Variants in RGSL1 observed in about 807,000 individuals in gnomAD.
The protein encoded by RGSL1 is regulator of G protein signaling like 1.
A neutral mutation model predicts 124.7 loss-of-function variants in RGSL1; 97 were observed. The observed-to-expected ratio is 0.78, with a 90% CI of 0.66 to 0.92. RGSL1 has a LOEUF of 0.92. RGSL1 is among the 40% of genes least tolerant of loss of function. The probability of loss-of-function intolerance (pLI) is 0.00; values close to 1 mark genes in which losing one functional copy is unlikely to be tolerated. For missense variants in RGSL1, 1,233 were observed against 1,288.4 expected (o/e 0.96, Z 0.66); for synonymous variants, 424 against 438.1 (o/e 0.97, Z 0.40).
intron 4 of RGSL1, among the ~76,000 whole-genome samples, chr1:182,472,168 G>A (rs928027679): frequency 2.0e-5 from 3 of 152,016 alleles, no homozygotes; most frequent in Non-Finnish European, 4.4e-5. Context: ...TCTAACACCA[G>A]CAACAAAAAG....
At chr1:182,533,153 A>G (rs1226460553) in intron 14 of RGSL1, among the ~76,000 whole-genome samples, 1 of 152,240 alleles carries the variant, frequency 6.6e-6, no homozygotes, top group Non-Finnish European at 1.5e-5. Context: ...TTGCAGAAAT[A>G]TATAGTATAG....
intron 4 of RGSL1, among the ~76,000 whole-genome samples, chr1:182,469,291 T>C (rs931623598): frequency 3.3e-5 from 5 of 152,176 alleles, no homozygotes; most frequent in East Asian, 1.9e-4. Flanking sequence ...CCAGAATATA[T>C]GGAGAACACC....
intron 4 of RGSL1, among the ~76,000 whole-genome samples, chr1:182,461,102 C>G (rs1245664508): frequency 6.6e-6 from 1 of 152,036 alleles, no homozygotes; most frequent in African/African-American, 2.4e-5. Context: ...AGGGGATTTA[C>G]AGAGCTGACA....
At position 182,553,488 on chromosome 1, in the gene RGSL1, G is replaced by A. The variant is rs1422093765; in HGVS notation, c.3077G>A (p.Arg1026Lys). ...DNAILRFTLL[R>K]GIEWLQPQRE... ...GCCATCTTAAGGTTCACCTTGCTCA[G>A]AGGTATTGAGTGGTTGCAGCCTCAA... is the stretch of plus-strand genomic sequence containing the variant. Residue 1026 changes from arginine (R) to lysine (K), a missense_variant, in exon 19 of 22, where the codon AGA (arginine) becomes AAA (lysine). Coordinates refer to ENST00000294854, the MANE Select transcript of RGSL1 (RefSeq NM_001137669.2). 6.4e-7 allele frequency: 1 copy of A among 1,552,042 alleles called. No individual in the cohort carries two copies. The highest frequency in any genetic ancestry group is 2.0e-5 in the Admixed American group (1 of 51,000).
rs6657620 is a variant in RGSL1, at chr1:182,548,222, G to A, written c.2670-95G>A. On this transcript the variant is annotated intron_variant, in intron 15 of 21. Transcript: ENST00000294854. ...CAACCTGGCCTAGAACTGGCCTTGCGTTTTTTGGGCCAGAAATGAGTCTAG... is the reference window on the plus strand; with the variant it reads ...CAACCTGGCCTAGAACTGGCCTTGCATTTTTTGGGCCAGAAATGAGTCTAG... 1.1e-5 allele frequency: 15 copies of A among 1,407,032 alleles called. No homozygotes were observed. The East Asian group carries it at 1.2e-4, about 12-fold the overall frequency. 87.2% of individuals were successfully genotyped at this position (1,407,032 alleles called of 1,614,324 possible). A position where few individuals can be genotyped will look rare whatever the true frequency, so the allele number is the denominator to read the frequency against.
At chr1:182,465,285 T>TA (rs1288695894) in intron 4 of RGSL1, among the ~76,000 whole-genome samples, 1 of 151,840 alleles carries the variant, frequency 6.6e-6, no homozygotes, top group Non-Finnish European at 1.5e-5. Flanking sequence ...TATGCAGCCA[T>TA]AAAAAAGGAT....
intron 21 of RGSL1, among the ~76,000 whole-genome samples, chr1:182,559,239 A>C (rs1283351645): frequency 6.6e-6 from 1 of 152,140 alleles, no homozygotes; most frequent in East Asian, 1.9e-4. Flanking sequence ...CTGCAAATTT[A>C]ATCCATTCTA....
At chr1:182,546,478 C>A (rs568262573) in intron 15 of RGSL1, among the ~76,000 whole-genome samples, 1 of 152,298 alleles carries the variant, frequency 6.6e-6, no homozygotes, top group Admixed American at 6.5e-5. Flanking sequence ...ACTTAAACCT[C>A]CACCTCCTGG....
rs148594382 is a variant in RGSL1, at chr1:182,555,502, T to C, written c.3198-522T>C. The C allele has an allele frequency of 6.0e-3, 936 of 157,060 alleles. 2 individuals are homozygous for C. Among genetic ancestry groups the C allele is most frequent in the Non-Finnish European group, 9.6e-3 (681 of 70,814 alleles). 9.7% of individuals were successfully genotyped at this position (157,060 alleles called of 1,614,324 possible). On this transcript the variant is annotated intron_variant, in intron 20 of 21. Transcript: ENST00000294854. ...TATTGGCAATAAGAACAGAAGGGAC[T>C]TGAGTCTGTTAAAATCTGCTTCAGC...
At chr1:182,465,934 A>C (rs1653285888) in intron 4 of RGSL1, among the ~76,000 whole-genome samples, 1 of 152,134 alleles carries the variant, frequency 6.6e-6, no homozygotes, top group South Asian at 2.1e-4. Context: ...AGCAAACCAC[A>C]TTCAACAGTA....
At chr1:182,526,080 T>C (rs1019315413) in intron 10 of RGSL1, among the ~76,000 whole-genome samples, 7 of 152,090 alleles carry the variant, frequency 4.6e-5, no homozygotes, top group African/African-American at 1.7e-4. Flanking sequence ...AAGAAAAAAA[T>C]TGAATTAGTA....
chr1:182,472,737 T>C, intron 5 of RGSL1, 180 bp downstream of exon 5: 1 of 572,122 alleles, frequency 1.7e-6, no homozygotes, highest in South Asian at 4.2e-5. Flanking sequence ...CAGTTGTCCT[T>C]AAGCTGGCAC....
chr1:182,534,404 A>G (rs1659398812), intron 14 of RGSL1, among the ~76,000 whole-genome samples: 1 of 152,152 alleles, frequency 6.6e-6, no homozygotes, highest in Admixed American at 6.5e-5. Flanking sequence ...GGCCATTTGT[A>G]TTCTTTCTTG....
intron 6 of RGSL1, among the ~76,000 whole-genome samples, chr1:182,487,868 TA>T (rs1287870142): frequency 6.6e-6 from 1 of 152,204 alleles, no homozygotes; most frequent in African/African-American, 2.4e-5. Flanking sequence ...TTTAATGTAA[TA>T]AAATGTTATT....
At chr1:182,494,708 T>A (rs528328381) in intron 9 of RGSL1, among the ~76,000 whole-genome samples, 32 of 152,326 alleles carry the variant, frequency 2.1e-4, no homozygotes, top group African/African-American at 7.5e-4. Context: ...CACCTTATAA[T>A]GGTCTTTGAA....
At chr1:182,469,568 A>G (rs765251384) in intron 4 of RGSL1, among the ~76,000 whole-genome samples, 2 of 152,162 alleles carry the variant, frequency 1.3e-5, no homozygotes, top group Admixed American at 1.3e-4. Flanking sequence ...GGACTGTAAA[A>G]TGGTACAAAC....
intron 5 of RGSL1, 157 bp downstream of exon 5, chr1:182,472,714 G>A: frequency 1.5e-6 from 1 of 686,494 alleles, no homozygotes; most frequent in Non-Finnish European, 2.2e-6. Flanking sequence ...AACCAGGAAA[G>A]TATTGAAAGA....
In RGSL1 at chr1:182,556,153, T is replaced by C; in HGVS notation, c.*96T>C. 2 of 1,227,280 alleles carry C rather than the reference T, an allele frequency of 1.6e-6. No individual in the cohort carries two copies. The highest frequency in any genetic ancestry group is 2.3e-6 in the Non-Finnish European group (2 of 872,770). The allele number at this position is 1,227,280 out of a possible 1,614,324, so 76.0% of individuals were successfully genotyped here. A position where few individuals can be genotyped will look rare whatever the true frequency, so the allele number is the denominator to read the frequency against. ...TCAAAAATGAAAGGTCCTGGTACCA[T>C]CTTCCCCAGAAACGATCAAGAAGGG... On this transcript the variant is annotated 3_prime_UTR_variant, in exon 21 of 22. Coordinates refer to ENST00000294854, the MANE Select transcript of RGSL1 (RefSeq NM_001137669.2).
intron 8 of RGSL1, among the ~76,000 whole-genome samples, chr1:182,489,403 T>A (rs999607362): frequency 6.6e-6 from 1 of 152,196 alleles, no homozygotes; most frequent in African/African-American, 2.4e-5. Flanking sequence ...TCAGAGTAAG[T>A]TGCAGTCAGG....
Sources: allele counts gnomAD v4.1 joint callset (sites outside exome capture counted in the v4.1 genomes callset), GRCh38; gene constraint gnomAD v4.1.1; transcripts MANE v1.5; gene names NCBI Gene and HGNC (gene_info 2026-07-23, HGNC 2026-07-21).